The following NCAM2 variants were observed in gnomAD, a reference collection of about 807,000 sequenced individuals.
NCAM2 encodes neural cell adhesion molecule 2, also known as N-CAM-2.
A neutral mutation model predicts 98.1 loss-of-function variants in NCAM2; 30 were observed. The ratio of observed to expected loss-of-function variants is 0.31; its 90% CI spans 0.23 to 0.41. The LOEUF is 0.41. Among genes scored for constraint, NCAM2 ranks in the 10% least tolerant of loss-of-function variants. The pLI is 1.00. For synonymous variants in NCAM2, 368 were observed against 342.4 expected, an observed-to-expected ratio of 1.07 and a Z score of -0.83; for missense variants, 867 against 1,005.8, an observed-to-expected ratio of 0.86 and a Z score of 1.87.
At chr21:21,293,458 C>T (rs936248879) in intron 5 of NCAM2, among the ~76,000 whole-genome samples, 4 of 151,726 alleles carry the variant, frequency 2.6e-5, no homozygotes, top group Non-Finnish European at 4.4e-5. Context: ...TTATGATCCA[C>T]CCCTTCCCTA....
intron 1 of NCAM2, among the ~76,000 whole-genome samples, chr21:21,180,883 A>C (rs370142357): frequency 5.5e-4 from 83 of 152,288 alleles, no homozygotes; most frequent in African/African-American, 1.9e-3. Context: ...AGGAACAAAA[A>C]GTAATTTAGT....
chr21:21,286,488 T>C, intron 4 of NCAM2, 76 bp downstream of exon 4: 1 of 1,456,666 alleles, frequency 6.9e-7, no homozygotes, highest in South Asian at 1.4e-5. Flanking sequence ...TCTATGTGTC[T>C]AGTTGTAGAA....
intron 1 of NCAM2, among the ~76,000 whole-genome samples, chr21:21,214,744 T>TAC (rs1490362760): frequency 4.7e-4 from 39 of 83,342 alleles, no homozygotes; most frequent in Non-Finnish European, 8.7e-4. Flanking sequence ...TATATATATA[T>TAC]ATACACTATA....
chr21:21,296,778 C>T (rs1166200871), intron 5 of NCAM2, among the ~76,000 whole-genome samples: 1 of 151,686 alleles, frequency 6.6e-6, no homozygotes, highest in Non-Finnish European at 1.5e-5. Flanking sequence ...CATGTTATAC[C>T]TGTGTCACAG....
chr21:21,237,595 T>C (rs2070884276), intron 1 of NCAM2, among the ~76,000 whole-genome samples: 1 of 152,166 alleles, frequency 6.6e-6, no homozygotes, highest in African/African-American at 2.4e-5. Flanking sequence ...AATTTCTATT[T>C]CATTTTATTT....
rs2018109646 is a variant in NCAM2, at chr21:21,233,379, A to G, written c.56-47199A>G. On this transcript the variant is annotated intron_variant, in intron 1 of 17. Transcript: ENST00000400546. ...TTAAACTGGAGTTCCCTTACTGATG[A>G]CCTCTCATAGAATATGATTTCATTT... 2.0e-5 allele frequency among the ~76,000 whole-genome samples: 3 copies of G among 151,538 alleles called. No homozygotes were observed. The South Asian group carries it at 6.2e-4, about 31-fold the overall frequency.
chr21:21,226,632 A>G (rs1276024225), intron 1 of NCAM2: 1 of 152,104 alleles, frequency 6.6e-6, no homozygotes, highest in African/African-American at 2.4e-5. Flanking sequence ...CCCTGATGAG[A>G]TCATAGTCGA....
intron 1 of NCAM2, among the ~76,000 whole-genome samples, chr21:21,098,102 T>C (rs544020002): frequency 2.0e-5 from 3 of 150,186 alleles, no homozygotes; most frequent in East Asian, 4.1e-4. Context: ...ACTACACATA[T>C]ATATGGAATT....
intron 1 of NCAM2, among the ~76,000 whole-genome samples, chr21:21,169,666 C>A (rs1196977474): frequency 1.3e-5 from 2 of 152,128 alleles, no homozygotes; most frequent in East Asian, 3.9e-4. Flanking sequence ...AATATACAGA[C>A]AGCCAGGCAT....
At chr21:21,240,550 T>A (rs371758161) in intron 1 of NCAM2, among the ~76,000 whole-genome samples, 66 of 152,328 alleles carry the variant, frequency 4.3e-4, no homozygotes, top group African/African-American at 1.5e-3. Context: ...AGACTCTGGT[T>A]CTGACTCCGT....
intron 1 of NCAM2, among the ~76,000 whole-genome samples, chr21:21,119,746 T>C (rs1457679971): frequency 2.6e-5 from 4 of 152,204 alleles, no homozygotes; most frequent in African/African-American, 9.7e-5. Context: ...TCTGGAGATA[T>C]CTTATTAATA....
intron 1 of NCAM2, among the ~76,000 whole-genome samples, chr21:21,024,952 AAC>A: frequency 6.6e-6 from 1 of 152,268 alleles, no homozygotes; most frequent in South Asian, 2.1e-4. Flanking sequence ...TTTCATTAAA[AAC>A]TACTTTCAGG....
intron 1 of NCAM2, among the ~76,000 whole-genome samples, chr21:21,187,358 A>G (rs765961508): frequency 2.0e-5 from 3 of 152,314 alleles, no homozygotes; most frequent in Admixed American, 6.5e-5. Flanking sequence ...ATTAGTTCAC[A>G]TAGTCATGCT....
intron 1 of NCAM2, among the ~76,000 whole-genome samples, chr21:21,043,648 C>T (rs1329600998): frequency 6.6e-6 from 1 of 151,544 alleles, no homozygotes; most frequent in Non-Finnish European, 1.5e-5. Flanking sequence ...GTCAGGAGAT[C>T]AAGACCATCC....
chr21:21,130,705 CA>C (rs1242931856), intron 1 of NCAM2, among the ~76,000 whole-genome samples: 2 of 147,064 alleles, frequency 1.4e-5, no homozygotes, highest in African/African-American at 5.0e-5. Flanking sequence ...TACTCTGTGC[CA>C]TAACTTTTGC....
intron 1 of NCAM2, among the ~76,000 whole-genome samples, chr21:21,122,568 C>G (rs1281654308): frequency 6.6e-6 from 1 of 152,068 alleles, no homozygotes; most frequent in Non-Finnish European, 1.5e-5. Flanking sequence ...CATCTGAGCC[C>G]GTATTGTCTA....
At chr21:21,125,792 A>C (rs2066808772) in intron 1 of NCAM2, among the ~76,000 whole-genome samples, 1 of 149,918 alleles carries the variant, frequency 6.7e-6, no homozygotes, top group Admixed American at 6.8e-5. Flanking sequence ...TACTTTTCAA[A>C]ATTGTTAAAA....
rs1345809038 is a variant in NCAM2, at chr21:21,446,030, G to C, written c.1654+13749G>C. 2.6e-5 allele frequency among the ~76,000 whole-genome samples: 4 copies of C among 152,192 alleles called. No homozygotes were observed. In the South Asian group the frequency reaches 6.2e-4, roughly 24 times the overall value. The stretch of plus-strand genomic sequence containing the variant: ...GAGCTTTTGCAGGGCAGGCCTGGTG[G>C]TGACAAAATCCCTCAACATTTGCTT... On this transcript the variant is annotated intron_variant, in intron 12 of 17. Transcript: ENST00000400546.
chr21:21,508,986 G>A lies in NCAM2; in HGVS notation c.2213G>A (p.Arg738Lys). 1 of 1,613,570 alleles carries A rather than the reference G, an allele frequency of 6.2e-7. No homozygotes were observed. The highest frequency in any genetic ancestry group is 8.5e-7 in the Non-Finnish European group (1 of 1,179,764). The change falls in exon 16 of 18, where the codon AGA becomes AAA. Residue 738 changes from arginine to lysine, a missense_variant. By Grantham distance (26) the Arg-to-Lys change is conservative (BLOSUM62 2). Around this residue, in one of 5 missense-constraint regions of NCAM2, gnomAD observed 125 missense variants for 116.1 expected, o/e 1.08. Coordinates refer to ENST00000400546, the MANE Select transcript of NCAM2 (RefSeq NM_004540.5). Reference protein sequence around the residue: ...QCGLLMCITRRMCGKKSGSSG... With the variant: ...QCGLLMCITRKMCGKKSGSSG... ...GGGTTGCTGATGTGCATCACTAGGA[G>A]AATGTGTGGAAAGAAAAGTGGCTCC...
Sources: allele counts gnomAD v4.1 joint callset (sites outside exome capture counted in the v4.1 genomes callset), GRCh38; gene constraint gnomAD v4.1.1; regional missense constraint gnomAD v4.1.1; transcripts MANE v1.5; gene names NCBI Gene and HGNC (gene_info 2026-07-23, HGNC 2026-07-21).